TUBAL3: variants seen among roughly 807,000 people sequenced by gnomAD.
The protein encoded by TUBAL3 is tubulin alpha chain-like 3.
Under a neutral mutation model 15.5 loss-of-function variants are expected in TUBAL3, and 16 were observed. The observed-to-expected ratio is 1.04, with a 90% CI of 0.70 to 1.57. The LOEUF (loss-of-function observed/expected upper bound fraction) is 1.57. TUBAL3 is among the 40% of genes most tolerant of loss of function. TUBAL3 has a pLI of 0.00. For synonymous variants in TUBAL3, 238 were observed against 224.3 expected, an observed-to-expected ratio of 1.06 and a Z score of -0.55; for missense variants, 609 against 576.2, an observed-to-expected ratio of 1.06 and a Z score of -0.58.
rs1831706920 is a variant in TUBAL3, at chr10:5,393,469, A to C, written c.*48T>G. On this transcript the variant is annotated 3_prime_UTR_variant, in exon 4 of 4. Transcript: ENST00000380419. ...CTAGGCATATAACGGCTTGAAAAGAAAACATGCCATTTTAACTTGACATTC... is the reference window on the plus strand; with the variant it reads ...CTAGGCATATAACGGCTTGAAAAGACAACATGCCATTTTAACTTGACATTC... The C allele has an allele frequency of 6.6e-7, 1 of 1,509,096 alleles. No individual in the cohort carries two copies. The highest frequency in any genetic ancestry group is 8.9e-7 in the Non-Finnish European group (1 of 1,121,334). The allele number at this position is 1,509,096 out of a possible 1,614,324, so 93.5% of individuals were successfully genotyped here.
chr10:5,394,455 G>A lies in TUBAL3; in HGVS notation c.403C>T (p.Gln135Ter). ...AAAAATCCCTGAAGTCCACCACACT[G>A]TTCTGCCTGGAGAAAGTAAATGAGA... ...VLERTRKLAE[Q>*]CGGLQGFLIF... is the part of the protein sequence containing the mutation. Residue 135 changes from glutamine to a stop codon, truncating the protein, a stop_gained, in exon 4 of 4, where the codon CAG (glutamine) becomes TAG (stop). Coordinates refer to ENST00000380419, the MANE Select transcript of TUBAL3 (RefSeq NM_024803.3). LOFTEE classifies it low-confidence loss of function (END_TRUNC). The surrounding 1 kb of genome is among the most constrained non-coding windows in gnomAD (Gnocchi z 4.3). The A allele has an allele frequency of 6.3e-7, 1 of 1,593,508 alleles. No homozygotes were observed. Among genetic ancestry groups the A allele is most frequent in the Non-Finnish European group, 8.5e-7 (1 of 1,171,038 alleles).
chr10:5,401,941 C>T (rs1554814674), intron 1 of TUBAL3, among the ~76,000 whole-genome samples: 1 of 151,886 alleles, frequency 6.6e-6, no homozygotes, highest in African/African-American at 2.4e-5. Context: ...AAGGATGTTA[C>T]ATCAACACAA....
chr10:5,400,844 C>T lies in TUBAL3; in HGVS notation c.247G>A (p.Asp83Asn). ...LFVDLEPTVI[D>N]GIRTGQHRSL... Reference sequence around the variant, plus strand: ...TGCTAGAATGGAACATTTATTGTACCTATAACAGTTGGCTCCAAGTCCACG... The same window carrying T: ...TGCTAGAATGGAACATTTATTGTACTTATAACAGTTGGCTCCAAGTCCACG... The change falls in exon 2 of 4, where the codon GAT becomes AAT. Residue 83 changes from aspartate (D) to asparagine (N), a missense_variant and splice_region_variant. Physicochemically the swap from Asp to Asn is conservative, Grantham distance 23. Coordinates refer to ENST00000380419, the MANE Select transcript of TUBAL3 (RefSeq NM_024803.3). The T allele has an allele frequency of 1.2e-6, 2 of 1,614,116 alleles. No homozygotes were observed. Among genetic ancestry groups the T allele is most frequent in the Non-Finnish European group, 1.7e-6 (2 of 1,180,006 alleles).
chr10:5,395,163 C>A lies in TUBAL3; in HGVS notation c.396+164G>T, dbSNP rs1831743425. Among the ~76,000 whole-genome samples the A allele has an allele frequency of 4.6e-5, 7 of 152,162 alleles. No individual in the cohort carries two copies. Among genetic ancestry groups the A allele is most frequent in the Admixed American group, 4.6e-4 (7 of 15,280 alleles). ...CTCCTTCCTAGTAACAAGGGGAAAT[C>A]AAAGCCAAGATGAGAACCCCTCCCC... is the stretch of plus-strand genomic sequence containing the variant. On this transcript the variant is annotated intron_variant, in intron 3 of 3. Coordinates refer to ENST00000380419, the MANE Select transcript of TUBAL3 (RefSeq NM_024803.3). This position sits in a 1 kb window ranked among gnomAD's most constrained non-coding sequence, Gnocchi z 4.6.
At position 5,394,333 on chromosome 10, in the gene TUBAL3, C is replaced by A; in HGVS notation, c.525G>T (p.Glu175Asp). The A allele has an allele frequency of 6.2e-7, 1 of 1,614,132 alleles. No homozygotes were observed. The highest frequency in any genetic ancestry group is 8.5e-7 in the Non-Finnish European group (1 of 1,180,026). The change falls in exon 4 of 4, where the codon GAG becomes GAT. Residue 175 changes from glutamate (E) to aspartate (D), a missense_variant. By Grantham distance (45) the Glu-to-Asp change is conservative (BLOSUM62 2). Coordinates refer to ENST00000380419, the MANE Select transcript of TUBAL3 (RefSeq NM_024803.3). This position sits in a 1 kb window ranked among gnomAD's most constrained non-coding sequence, Gnocchi z 4.3. ...TCCTGGGGGCTGGGTAGACCGAGAA[C>A]TCCAGCTTAGTCTTTCTGCTATATT... Reference protein sequence around the residue: ...TGEYSRKTKLEFSVYPAPRIS... With the variant: ...TGEYSRKTKLDFSVYPAPRIS...
intron 1 of TUBAL3, among the ~76,000 whole-genome samples, chr10:5,402,597 C>A (rs1554814743): frequency 6.6e-6 from 1 of 152,194 alleles, no homozygotes. Flanking sequence ...GGTCCCCAAC[C>A]CCCGGGCCAC....
At chr10:5,402,270 C>T (rs1354005954) in intron 1 of TUBAL3, among the ~76,000 whole-genome samples, 5 of 151,700 alleles carry the variant, frequency 3.3e-5, no homozygotes, top group Admixed American at 6.6e-5. Flanking sequence ...CAATGATCTA[C>T]GTTTTTAAGA....
At position 5,393,675 on chromosome 10, in the gene TUBAL3, A is replaced by ACAAT; in HGVS notation, c.1182_1183insATTG (p.Trp395IlefsTer10). 6.2e-7 allele frequency: 1 copy of ACAAT among 1,614,208 alleles called. No individual in the cohort carries two copies. Among genetic ancestry groups the ACAAT allele is most frequent in the Non-Finnish European group, 8.5e-7 (1 of 1,180,048 alleles). On this transcript the variant is annotated frameshift_variant, in exon 4 of 4. Coordinates refer to ENST00000380419, the MANE Select transcript of TUBAL3 (RefSeq NM_024803.3). LOFTEE classifies it high-confidence loss of function. ...TCAAACTTGTGGTCCAGGCGGGCCCAGGCCTCCACAATCGCCGTGGTGTTG... is the reference window on the plus strand; with the variant it reads ...TCAAACTTGTGGTCCAGGCGGGCCCACAATGGCCTCCACAATCGCCGTGGTGTTG...
chr10:5,403,551 A>AG (rs1564453265), intron 1 of TUBAL3, among the ~76,000 whole-genome samples: 2 of 151,720 alleles, frequency 1.3e-5, no homozygotes, highest in African/African-American at 2.4e-5. Context: ...ATTAAAAAAA[A>AG]AAAAGATTGT....
intron 1 of TUBAL3, among the ~76,000 whole-genome samples, chr10:5,401,755 A>G (rs1364437895): frequency 1.3e-5 from 2 of 152,148 alleles, no homozygotes; most frequent in African/African-American, 4.8e-5. Flanking sequence ...TTTCTAAAAA[A>G]AAACACTTAA....
In TUBAL3 at chr10:5,395,388, C is replaced by G. The variant is rs140233181; in HGVS notation, c.335G>C (p.Arg112Pro). ...GKEDAANNYA[R>P]GRYSVGSEVI... ...CTCCGACCCCACAGAGTAACGGCCT[C>G]GCGCGTAATTGTTAGCAGCATCCTC... The change falls in exon 3 of 4, where the codon CGA becomes CCA. Residue 112 changes from arginine (R) to proline (P), a missense_variant. Transcript: ENST00000380419. This position sits in a 1 kb window ranked among gnomAD's most constrained non-coding sequence, Gnocchi z 4.6. 2.5e-6 allele frequency: 4 copies of G among 1,606,722 alleles called. No individual in the cohort carries two copies. In the East Asian group the frequency reaches 6.8e-5, roughly 27 times the overall value.
rs1554813834 is a variant in TUBAL3, at chr10:5,394,198, G to A, written c.660C>T (p.Cys220=). The change falls in exon 4 of 4, where the codon TGC becomes TGT. Residue 220 remains cysteine, a synonymous_variant. Coordinates refer to ENST00000380419, the MANE Select transcript of TUBAL3 (RefSeq NM_024803.3). The surrounding 1 kb of genome is among the most constrained non-coding windows in gnomAD (Gnocchi z 4.3). ...MVDNEAVYDI[C]HRKLGVECPS... Reference sequence around the variant, plus strand: ...GGCATTCAACACCGAGTTTACGATGGCATATATCATAGACGGCCTCGTTGT... The same window carrying A: ...GGCATTCAACACCGAGTTTACGATGACATATATCATAGACGGCCTCGTTGT... The A allele has an allele frequency of 1.9e-6, 3 of 1,614,196 alleles. No homozygotes were observed. Among genetic ancestry groups the A allele is most frequent in the Middle Eastern group, 1.6e-4 (1 of 6,062 alleles).
chr10:5,403,478 A>C (rs2119150793), intron 1 of TUBAL3, among the ~76,000 whole-genome samples: 1 of 152,270 alleles, frequency 6.6e-6, no homozygotes. Context: ...TACAGTGACG[A>C]GTAAAATTCA....
At chr10:5,402,223 CT>C (rs1195630316) in intron 1 of TUBAL3, among the ~76,000 whole-genome samples, 8 of 151,974 alleles carry the variant, frequency 5.3e-5, no homozygotes, top group African/African-American at 1.7e-4. Flanking sequence ...TTTAAATCAT[CT>C]TTTTTTTAAG....
At position 5,395,953 on chromosome 10, in the gene TUBAL3, C is replaced by T. The variant is rs1460827192; in HGVS notation, c.248-478G>A. Among the ~76,000 whole-genome samples the T allele has an allele frequency of 6.6e-6, 1 of 152,094 alleles. No individual in the cohort carries two copies. The highest frequency in any genetic ancestry group is 1.5e-5 in the Non-Finnish European group (1 of 68,016). ...CTACCTCTGGCATACAAGCCTTTTC[C>T]CCTGTATGTGTGTCTGTGCTCTCTC... On this transcript the variant is annotated intron_variant, in intron 2 of 3. Coordinates refer to ENST00000380419, the MANE Select transcript of TUBAL3 (RefSeq NM_024803.3). This position sits in a 1 kb window ranked among gnomAD's most constrained non-coding sequence, Gnocchi z 4.6.
intron 1 of TUBAL3, among the ~76,000 whole-genome samples, chr10:5,402,692 C>T (rs1031185981): frequency 6.6e-6 from 1 of 152,272 alleles, no homozygotes; most frequent in Admixed American, 6.5e-5. Flanking sequence ...ACTGACTGAG[C>T]TCTGCCTCCT....
At chr10:5,402,942 C>A (rs1831878859) in intron 1 of TUBAL3, among the ~76,000 whole-genome samples, 1 of 152,214 alleles carries the variant, frequency 6.6e-6, no homozygotes, top group South Asian at 2.1e-4. Context: ...GACCACTAGT[C>A]AGAGGAAAGT....
chr10:5,394,086 C>T lies in TUBAL3; in HGVS notation c.772G>A (p.Asp258Asn). 1.2e-6 allele frequency: 2 copies of T among 1,614,172 alleles called. No individual in the cohort carries two copies. Among genetic ancestry groups the T allele is most frequent in the Non-Finnish European group, 1.7e-6 (2 of 1,180,030 alleles). ...AGGTTGGTCTGGAATTCAATTAGGT[C>T]TACATTCAAGGGCCCTTCAAACCGG... ...SLRFEGPLNVDLIEFQTNLVP... is the reference protein window; with the variant it reads ...SLRFEGPLNVNLIEFQTNLVP... The change falls in exon 4 of 4, where the codon GAC becomes AAC. Residue 258 changes from aspartate to asparagine, a missense_variant. Asp to Asn is a conservative substitution (Grantham distance 23). Transcript: ENST00000380419. This position sits in a 1 kb window ranked among gnomAD's most constrained non-coding sequence, Gnocchi z 4.3.
intron 2 of TUBAL3, among the ~76,000 whole-genome samples, chr10:5,399,613 C>A (rs1831819490): frequency 1.3e-5 from 2 of 152,176 alleles, no homozygotes; most frequent in Non-Finnish European, 2.9e-5. Context: ...ACGTCGAAGG[C>A]AAAAATCAAC....
Sources: allele counts gnomAD v4.1 joint callset (sites outside exome capture counted in the v4.1 genomes callset), GRCh38; gene constraint gnomAD v4.1.1; non-coding constraint Gnocchi (gnomAD v3.1); transcripts MANE v1.5; gene names NCBI Gene and HGNC (gene_info 2026-07-23, HGNC 2026-07-21).